The following EIF2B3 variants were observed in gnomAD, a reference collection of about 807,000 sequenced individuals.
The protein encoded by EIF2B3 is translation initiation factor eIF2B subunit gamma.
Under a neutral mutation model 54.1 loss-of-function variants are expected in EIF2B3, and 20 were observed. The ratio of observed to expected loss-of-function variants is 0.37; its 90% CI spans 0.26 to 0.54. The LOEUF is 0.54. Ranked by LOEUF, EIF2B3 falls within the 20% of genes least tolerant of loss-of-function variation. EIF2B3 has a pLI of 0.86. For synonymous variants in EIF2B3, 153 were observed against 188.1 expected, an observed-to-expected ratio of 0.81 and a Z score of 1.52; for missense variants, 448 against 547.8, an observed-to-expected ratio of 0.82 and a Z score of 1.82.
chr1:44,958,969 CTA>C, intron 3 of EIF2B3: 1 of 766,648 alleles, frequency 1.3e-6, no homozygotes, highest in South Asian at 1.4e-5. Context: ...GAATTGACCT[CTA>C]TGAAAGGGGA....
chr1:44,855,007 G>A (rs1654392543), intron 11 of EIF2B3, among the ~76,000 whole-genome samples: 1 of 151,114 alleles, frequency 6.6e-6, no homozygotes, highest in Non-Finnish European at 1.5e-5. Context: ...AGTTGTTGGT[G>A]TTTGCCTAGG....
At position 44,881,884 on chromosome 1, in the gene EIF2B3, G is replaced by C. The variant is rs1655413886; in HGVS notation, c.657-145C>G. The C allele has an allele frequency of 8.9e-7, 1 of 1,128,852 alleles. No homozygotes were observed. Among genetic ancestry groups the C allele is most frequent in the Non-Finnish European group, 1.3e-6 (1 of 780,798 alleles). 69.9% of individuals were successfully genotyped at this position (1,128,852 alleles called of 1,614,324 possible). ...CAGAGATCAAATGTGGCATTGACTT[G>C]GCAGTTCGGAGAAGCAGAGTGCTTC... On this transcript the variant is annotated intron_variant, in intron 6 of 11. Transcript: ENST00000360403. This position sits in a 1 kb window ranked among gnomAD's most constrained non-coding sequence, Gnocchi z 4.0.
chr1:44,855,745 C>T (rs1180974256), intron 11 of EIF2B3, among the ~76,000 whole-genome samples: 2 of 151,984 alleles, frequency 1.3e-5, no homozygotes, highest in African/African-American at 2.4e-5. Flanking sequence ...TTAGTAGAGA[C>T]GGGGTTTCAC....
chr1:44,917,722 C>G (rs1643651625), intron 5 of EIF2B3, among the ~76,000 whole-genome samples: 1 of 141,148 alleles, frequency 7.1e-6, no homozygotes, highest in African/African-American at 2.6e-5. Context: ...TTTAGCAGAT[C>G]CACTTAGTAT....
At position 44,981,064 on chromosome 1, in the gene EIF2B3, T is replaced by C; in HGVS notation, c.105A>G (p.Leu35=). Residue 35 remains leucine (L), a synonymous_variant, in exon 2 of 12, where the codon TTA becomes TTG. Coordinates refer to ENST00000360403, the MANE Select transcript of EIF2B3 (RefSeq NM_020365.5). ...CAAGCAGGTTCAATGGGTACCAAATTAAAGGTTTGTTCCCAACTGGAAGCA... is the reference window on the plus strand; with the variant it reads ...CAAGCAGGTTCAATGGGTACCAAATCAAAGGTTTGTTCCCAACTGGAAGCA... ...KPLLPVGNKP[L]IWYPLNLLER... The C allele has an allele frequency of 1.2e-6, 2 of 1,613,498 alleles. No individual in the cohort carries two copies. Among genetic ancestry groups the C allele is most frequent in the Non-Finnish European group, 1.7e-6 (2 of 1,179,966 alleles).
At chr1:44,940,413 A>G (rs1361671548) in intron 4 of EIF2B3, among the ~76,000 whole-genome samples, 1 of 151,520 alleles carries the variant, frequency 6.6e-6, no homozygotes, top group Non-Finnish European at 1.5e-5. Context: ...GAAAATAAGT[A>G]TCAAAATAAG....
chr1:44,855,231 C>T (rs1654400375), intron 11 of EIF2B3, among the ~76,000 whole-genome samples: 1 of 152,086 alleles, frequency 6.6e-6, no homozygotes, highest in South Asian at 2.1e-4. Context: ...TGGGGTTGTC[C>T]AGTTTAGAGC....
At chr1:44,871,805 G>A (rs1354187012) in intron 10 of EIF2B3, among the ~76,000 whole-genome samples, 1 of 151,614 alleles carries the variant, frequency 6.6e-6, no homozygotes. Flanking sequence ...CTGAAGAGGT[G>A]ACATTTGAGC....
chr1:44,927,793 T>C (rs1643867606), intron 4 of EIF2B3, among the ~76,000 whole-genome samples: 1 of 152,096 alleles, frequency 6.6e-6, no homozygotes, highest in Admixed American at 6.6e-5. Context: ...TGCAACTTAT[T>C]CTCAGATAGC....
chr1:44,902,845 A>AAG (rs1273417684), intron 5 of EIF2B3, among the ~76,000 whole-genome samples: 5 of 150,398 alleles, frequency 3.3e-5, no homozygotes, highest in Non-Finnish European at 7.4e-5. Context: ...AAAAAAAAAA[A>AAG]AAAAAAAAAA....
At chr1:44,967,096 G>A (rs1346645808) in intron 3 of EIF2B3, among the ~76,000 whole-genome samples, 2 of 151,702 alleles carry the variant, frequency 1.3e-5, no homozygotes, top group Non-Finnish European at 2.9e-5. Context: ...TTACAGGTGT[G>A]AGACACCATG....
chr1:44,892,114 T>C (rs1010592365), intron 6 of EIF2B3, among the ~76,000 whole-genome samples: 3 of 152,222 alleles, frequency 2.0e-5, no homozygotes, highest in Non-Finnish European at 4.4e-5. Context: ...CTTTTATAAC[T>C]GATAGAATTG....
At chr1:44,985,752 G>A (rs1047034543) in intron 1 of EIF2B3, among the ~76,000 whole-genome samples, 4 of 152,240 alleles carry the variant, frequency 2.6e-5, no homozygotes, top group African/African-American at 4.8e-5. Flanking sequence ...AAATGCTCAT[G>A]TCACTGCCAC....
At chr1:44,908,312 A>G (rs552631142) in intron 5 of EIF2B3, among the ~76,000 whole-genome samples, 30 of 152,346 alleles carry the variant, frequency 2.0e-4, no homozygotes, top group African/African-American at 7.0e-4. Flanking sequence ...TATAAATGTT[A>G]CCACAGAACT....
intron 3 of EIF2B3, among the ~76,000 whole-genome samples, chr1:44,951,980 T>TTTTTTTTTTTTTTTTTTTTTTAGGG: frequency 1.2e-5 from 1 of 84,820 alleles, no homozygotes; most frequent in South Asian, 3.7e-4. Context: ...TTTTTTTTTT[T>TTTTTTTTTTTTTTTTTTTTTTAGGG]GAGACGGAGT....
At chr1:44,956,995 G>T (rs1644232371) in intron 3 of EIF2B3, among the ~76,000 whole-genome samples, 1 of 152,196 alleles carries the variant, frequency 6.6e-6, no homozygotes, top group South Asian at 2.1e-4. Context: ...GGGAGTGGTG[G>T]CTCATGCCTG....
At chr1:44,861,055 G>A (rs577745663) in intron 10 of EIF2B3, among the ~76,000 whole-genome samples, 1 of 152,320 alleles carries the variant, frequency 6.6e-6, no homozygotes, top group South Asian at 2.1e-4. Flanking sequence ...AGTAGCAAAA[G>A]GCCAAAACCA....
At chr1:44,864,314 C>T (rs1654702657) in intron 10 of EIF2B3, among the ~76,000 whole-genome samples, 1 of 151,114 alleles carries the variant, frequency 6.6e-6, no homozygotes, top group Admixed American at 6.6e-5. Context: ...CCTGTAATCC[C>T]AGCATTTTGG....
intron 4 of EIF2B3, among the ~76,000 whole-genome samples, chr1:44,933,766 C>T (rs577853171): frequency 6.6e-6 from 1 of 152,064 alleles, no homozygotes; most frequent in African/African-American, 2.4e-5. Context: ...TGCTATTAGG[C>T]CATAAATGCT....
Sources: allele counts gnomAD v4.1 joint callset (sites outside exome capture counted in the v4.1 genomes callset), GRCh38; gene constraint gnomAD v4.1.1; non-coding constraint Gnocchi (gnomAD v3.1); transcripts MANE v1.5; gene names NCBI Gene and HGNC (gene_info 2026-07-23, HGNC 2026-07-21).